Variants in TSGA10 observed in about 807,000 individuals in gnomAD.
TSGA10 encodes the protein testis specific 10.
Under a neutral mutation model 96.6 loss-of-function variants are expected in TSGA10, and 43 were observed. The ratio of observed to expected loss-of-function variants is 0.44; its 90% CI spans 0.35 to 0.57. The LOEUF (loss-of-function observed/expected upper bound fraction) is 0.57. TSGA10 is among the 20% of genes least tolerant of loss of function. TSGA10 has a pLI of 0.01. For synonymous variants in TSGA10, 229 were observed against 269.9 expected (o/e 0.85, Z 1.48); for missense variants, 703 against 834.4 (o/e 0.84, Z 1.94).
intron 2 of TSGA10, among the ~76,000 whole-genome samples, chr2:99,123,146 C>T (rs2092664601): frequency 6.6e-6 from 1 of 152,126 alleles, no homozygotes; most frequent in African/African-American, 2.4e-5. Context: ...TGGTGTTCTT[C>T]TATAGATAAT....
intron 1 of TSGA10, among the ~76,000 whole-genome samples, chr2:99,145,726 C>CT (rs1478393654): frequency 1.3e-5 from 2 of 152,160 alleles, no homozygotes; most frequent in Non-Finnish European, 2.9e-5. Flanking sequence ...TCTTTGAAGA[C>CT]TATTATTCTG....
chr2:99,027,246 A>T (rs2080694620), intron 17 of TSGA10, among the ~76,000 whole-genome samples: 2 of 152,208 alleles, frequency 1.3e-5, no homozygotes. Flanking sequence ...TCTGTCATTC[A>T]TGGCAACCTG....
chr2:99,136,021 A>AAAAAAAC (rs1559128372), intron 1 of TSGA10, among the ~76,000 whole-genome samples: 3 of 148,280 alleles, frequency 2.0e-5, no homozygotes, highest in African/African-American at 7.4e-5. Flanking sequence ...AAAAAAAAAA[A>AAAAAAAC]GGGTCTGCAT....
In TSGA10 at chr2:99,048,150, A is replaced by C. The variant is rs540180577; in HGVS notation, c.1405-12711T>G. 6.6e-5 allele frequency among the ~76,000 whole-genome samples: 10 copies of C among 152,204 alleles called. No homozygotes were observed. In the East Asian group the frequency reaches 1.9e-3, roughly 29 times the overall value. On this transcript the variant is annotated intron_variant, in intron 16 of 20. Transcript: ENST00000393483. ...TCGTGAAAATGGCCATACTGCCCAAAGGGATTTATAGATTCAATGCTATCC... is the reference window on the plus strand; with the variant it reads ...TCGTGAAAATGGCCATACTGCCCAACGGGATTTATAGATTCAATGCTATCC...
At chr2:99,007,156 G>A (rs961473622) in intron 20 of TSGA10, among the ~76,000 whole-genome samples, 1 of 152,078 alleles carries the variant, frequency 6.6e-6, no homozygotes, top group Non-Finnish European at 1.5e-5. Context: ...GTGGGAGGAG[G>A]GGGGAGGGAT....
chr2:99,138,555 C>T (rs2093413141), intron 1 of TSGA10, among the ~76,000 whole-genome samples: 1 of 151,934 alleles, frequency 6.6e-6, no homozygotes, highest in Non-Finnish European at 1.5e-5. Context: ...CTGAAGGGGA[C>T]TAATGAATGA....
chr2:99,082,563 T>C (rs915383645), intron 10 of TSGA10, among the ~76,000 whole-genome samples: 4 of 151,908 alleles, frequency 2.6e-5, no homozygotes, highest in African/African-American at 9.7e-5. Context: ...AATCTAAGCA[T>C]CAAAATAAAA....
At chr2:99,140,049 T>C (rs940365640) in intron 1 of TSGA10, among the ~76,000 whole-genome samples, 4 of 152,202 alleles carry the variant, frequency 2.6e-5, no homozygotes, top group Non-Finnish European at 4.4e-5. Flanking sequence ...CCTGATTATA[T>C]TCTGGGCTAC....
chr2:99,088,778 A>C (rs2088895804), intron 10 of TSGA10, among the ~76,000 whole-genome samples: 1 of 152,238 alleles, frequency 6.6e-6, no homozygotes, highest in Non-Finnish European at 1.5e-5. Context: ...AAAGTGGGTG[A>C]CTAATCCAAA....
At chr2:99,085,242 G>A (rs549019704) in intron 10 of TSGA10, among the ~76,000 whole-genome samples, 3 of 151,840 alleles carry the variant, frequency 2.0e-5, no homozygotes, top group African/African-American at 4.8e-5. Context: ...GTAAGACTCC[G>A]TCTCAAAATT....
chr2:99,090,102 C>G (rs1361744669), intron 10 of TSGA10, among the ~76,000 whole-genome samples: 1 of 152,176 alleles, frequency 6.6e-6, no homozygotes, highest in Non-Finnish European at 1.5e-5. Flanking sequence ...TGTACAAACA[C>G]CCCCCAGTAC....
At chr2:99,100,212 C>T (rs1211484866) in intron 10 of TSGA10, among the ~76,000 whole-genome samples, 1 of 152,036 alleles carries the variant, frequency 6.6e-6, no homozygotes, top group Non-Finnish European at 1.5e-5. Flanking sequence ...ATTGAAAATG[C>T]AAAGGGCCGG....
chr2:99,012,371 A>G (rs1419082719), intron 20 of TSGA10, among the ~76,000 whole-genome samples: 1 of 152,206 alleles, frequency 6.6e-6, no homozygotes, highest in Non-Finnish European at 1.5e-5. Flanking sequence ...TAAATAGTCC[A>G]CTTAAAAGAT....
chr2:99,118,222 G>A (rs1293401231), intron 3 of TSGA10, among the ~76,000 whole-genome samples: 7 of 151,760 alleles, frequency 4.6e-5, no homozygotes, highest in South Asian at 4.2e-4. Context: ...AGGCTGAGGC[G>A]GGCAGATCAT....
chr2:99,061,646 T>C (rs992055658), intron 16 of TSGA10, among the ~76,000 whole-genome samples: 12 of 152,180 alleles, frequency 7.9e-5, no homozygotes, highest in Non-Finnish European at 1.5e-4. Flanking sequence ...TAGTTATTTA[T>C]CCAAGAAAAA....
intron 10 of TSGA10, among the ~76,000 whole-genome samples, chr2:99,099,758 T>G (rs2090483296): frequency 6.6e-6 from 1 of 152,126 alleles, no homozygotes; most frequent in African/African-American, 2.4e-5. Flanking sequence ...GTATAAGAAT[T>G]AGAGAGGCAG....
intron 1 of TSGA10, chr2:99,148,374 C>T (rs552549409): frequency 2.6e-5 from 4 of 152,224 alleles, no homozygotes; most frequent in African/African-American, 9.6e-5. Flanking sequence ...ACCCATATTT[C>T]AGAATTTCAT....
chr2:99,029,433 A>C (rs921535650), intron 17 of TSGA10, among the ~76,000 whole-genome samples: 4 of 152,138 alleles, frequency 2.6e-5, no homozygotes, highest in African/African-American at 9.7e-5. Context: ...AAAAAAAAAG[A>C]AAAGCAAAGA....
intron 16 of TSGA10, among the ~76,000 whole-genome samples, chr2:99,038,760 G>T (rs1414829472): frequency 6.6e-6 from 1 of 152,014 alleles, no homozygotes; most frequent in Middle Eastern, 3.2e-3. Context: ...AGAAACAATG[G>T]ACTTAAACTA....
Sources: allele counts gnomAD v4.1 joint callset (sites outside exome capture counted in the v4.1 genomes callset), GRCh38; gene constraint gnomAD v4.1.1; transcripts MANE v1.5; gene names NCBI Gene and HGNC (gene_info 2026-07-23, HGNC 2026-07-21).